The following SORCS2 variants were observed in gnomAD, a reference collection of about 807,000 sequenced individuals.
The protein encoded by SORCS2 is sortilin related VPS10 domain containing receptor 2, also known as VPS10 domain-containing receptor SorCS2.
In SORCS2, 100 loss-of-function variants were observed where a neutral mutation model predicts 141.6. The ratio of observed to expected loss-of-function variants is 0.71; its 90% CI spans 0.60 to 0.83. SORCS2 has a LOEUF of 0.83. Among genes scored for constraint, SORCS2 ranks in the 40% least tolerant of loss-of-function variants. The pLI is 0.00. For synonymous variants in SORCS2, 789 were observed against 676.9 expected (o/e 1.17, Z -2.57); for missense variants, 1,646 against 1,560.2 (o/e 1.05, Z -0.93).
chr4:7,496,612 C>T (rs547837049), intron 2 of SORCS2, among the ~76,000 whole-genome samples: 310 of 151,978 alleles, frequency 2.0e-3, no homozygotes, highest in African/African-American at 7.2e-3. Context: ...TACAAACCAG[C>T]ATGATAAAAA....
chr4:7,459,600 C>G (rs994257069), intron 2 of SORCS2, among the ~76,000 whole-genome samples: 2 of 152,196 alleles, frequency 1.3e-5, no homozygotes, highest in African/African-American at 4.8e-5. Flanking sequence ...GCAGCCGCCT[C>G]TCAGAGCTCT....
chr4:7,462,442 G>C (rs551203156), intron 2 of SORCS2, among the ~76,000 whole-genome samples: 1 of 152,278 alleles, frequency 6.6e-6, no homozygotes, highest in East Asian at 1.9e-4. Context: ...CTTTTTATAA[G>C]CCTATCAGTA....
chr4:7,476,323 C>G (rs951869232), intron 2 of SORCS2, among the ~76,000 whole-genome samples: 4 of 152,160 alleles, frequency 2.6e-5, no homozygotes, highest in Non-Finnish European at 5.9e-5. Flanking sequence ...GTAGGTCAGG[C>G]CTGCAGGCTG....
At chr4:7,613,671 ACT>A (rs752381240) in intron 3 of SORCS2, among the ~76,000 whole-genome samples, 1 of 151,888 alleles carries the variant, frequency 6.6e-6, no homozygotes. Context: ...CCGATTCCAC[ACT>A]CTCTCATCGA....
intron 5 of SORCS2, among the ~76,000 whole-genome samples, chr4:7,660,833 G>A (rs978708341): frequency 5.9e-5 from 9 of 152,148 alleles, no homozygotes; most frequent in African/African-American, 1.9e-4. Flanking sequence ...TGGAGCCTTC[G>A]CCACCTCACG....
chr4:7,453,082 T>TGCTGTGTTGGGGTCAGGC (rs1728587545), intron 2 of SORCS2, among the ~76,000 whole-genome samples: 1 of 112,154 alleles, frequency 8.9e-6, no homozygotes, highest in African/African-American at 3.5e-5. Flanking sequence ...TGGGGTCACG[T>TGCTGTGTTGGGGTCAGGC]GCTGTGTTGG....
At chr4:7,214,687 G>A (rs1200256568) in intron 1 of SORCS2, among the ~76,000 whole-genome samples, 1 of 152,204 alleles carries the variant, frequency 6.6e-6, no homozygotes. Flanking sequence ...CCAGTGATGG[G>A]AGGCTCACCC....
intron 21 of SORCS2, among the ~76,000 whole-genome samples, chr4:7,727,922 T>C (rs1727336641): frequency 6.6e-6 from 1 of 152,210 alleles, no homozygotes; most frequent in Non-Finnish European, 1.5e-5. Flanking sequence ...GACCAGCAAG[T>C]TGAAGTCCAT....
At chr4:7,253,817 G>A (rs1269327089) in intron 1 of SORCS2, among the ~76,000 whole-genome samples, 1 of 152,238 alleles carries the variant, frequency 6.6e-6, no homozygotes, top group Non-Finnish European at 1.5e-5. Flanking sequence ...AAGAAGTCAC[G>A]GGATTCCGTG....
At chr4:7,379,518 G>A (rs533383761) in intron 1 of SORCS2, among the ~76,000 whole-genome samples, 3 of 152,240 alleles carry the variant, frequency 2.0e-5, no homozygotes, top group Non-Finnish European at 4.4e-5. Flanking sequence ...ATGTATGGCT[G>A]AGGCTTTCCC....
intron 1 of SORCS2, among the ~76,000 whole-genome samples, chr4:7,385,514 G>A (rs1560238688): frequency 6.6e-6 from 1 of 152,280 alleles, no homozygotes; most frequent in East Asian, 1.9e-4. Flanking sequence ...GGCTGGTCTT[G>A]GCCTCAGGCT....
chr4:7,708,338 G>C (rs1429427902), intron 14 of SORCS2, among the ~76,000 whole-genome samples: 2 of 152,198 alleles, frequency 1.3e-5, no homozygotes, highest in Non-Finnish European at 2.9e-5. Context: ...TGGTGGGATT[G>C]AGGGGATGCT....
At chr4:7,401,460 G>A (rs952005150) in intron 2 of SORCS2, among the ~76,000 whole-genome samples, 1 of 152,180 alleles carries the variant, frequency 6.6e-6, no homozygotes, top group African/African-American at 2.4e-5. Flanking sequence ...GGTCATCTTA[G>A]GGGATGCTGT....
intron 18 of SORCS2, among the ~76,000 whole-genome samples, chr4:7,723,354 G>A (rs879663532): frequency 4.6e-5 from 7 of 152,086 alleles, no homozygotes; most frequent in Non-Finnish European, 7.4e-5. Flanking sequence ...TCCCTAGCAC[G>A]GGCCTCTGTG....
chr4:7,253,581 C>T (rs892575539), intron 1 of SORCS2, among the ~76,000 whole-genome samples: 35 of 152,248 alleles, frequency 2.3e-4, no homozygotes, highest in African/African-American at 6.0e-4. Context: ...GTGGCCAGGG[C>T]GCCCCCAGCT....
intron 4 of SORCS2, among the ~76,000 whole-genome samples, chr4:7,640,421 ATC>A (rs1720644066): frequency 1.5e-5 from 1 of 64,694 alleles, no homozygotes. Context: ...AGTGTGTGTG[ATC>A]GTGTGTGTGA....
At chr4:7,287,595 C>CGGGA (rs1412769859) in intron 1 of SORCS2, among the ~76,000 whole-genome samples, 1 of 152,222 alleles carries the variant, frequency 6.6e-6, no homozygotes, top group African/African-American at 2.4e-5. Context: ...GTGCCGCCCT[C>CGGGA]GGGAGAGAAA....
intron 3 of SORCS2, among the ~76,000 whole-genome samples, chr4:7,550,340 C>T (rs908933334): frequency 6.6e-6 from 1 of 152,088 alleles, no homozygotes. Flanking sequence ...CGCTGGGGGC[C>T]ATCTGCAGAG....
intron 1 of SORCS2, among the ~76,000 whole-genome samples, chr4:7,393,575 T>G (rs2109105726): frequency 6.6e-6 from 1 of 152,292 alleles, no homozygotes. Context: ...TGGCAAAATA[T>G]TGAAGCGCTC....
Sources: allele counts gnomAD v4.1 joint callset (sites outside exome capture counted in the v4.1 genomes callset), GRCh38; gene constraint gnomAD v4.1.1; transcripts MANE v1.5; gene names NCBI Gene and HGNC (gene_info 2026-07-23, HGNC 2026-07-21).